Variants in GNPDA2 observed in about 807,000 individuals in gnomAD.
The protein encoded by GNPDA2 is glucosamine-6-phosphate deaminase 2.
A neutral mutation model predicts 27.0 loss-of-function variants in GNPDA2; 24 were observed. The observed-to-expected ratio is 0.89, with a 90% CI of 0.64 to 1.25. The LOEUF (loss-of-function observed/expected upper bound fraction) is 1.25. Ranked by LOEUF, GNPDA2 falls within the 50% of genes most tolerant of loss-of-function variation. GNPDA2 has a pLI of 0.00. For missense variants in GNPDA2, 286 were observed against 335.1 expected (o/e 0.85, Z 1.14); for synonymous variants, 94 against 108.4 (o/e 0.87, Z 0.83).
intron 5 of GNPDA2, among the ~76,000 whole-genome samples, chr4:44,708,247 GT>G (rs1449529428): frequency 2.0e-5 from 3 of 152,044 alleles, no homozygotes; most frequent in Non-Finnish European, 4.4e-5. Context: ...AAAGGACTGT[GT>G]TGCAAAAGCA....
At chr4:44,713,855 GGGC>G (rs1204555869) in intron 4 of GNPDA2, among the ~76,000 whole-genome samples, 1 of 152,112 alleles carries the variant, frequency 6.6e-6, no homozygotes, top group Non-Finnish European at 1.5e-5. Context: ...ACTCCAGCCT[GGGC>G]AACAGAGCGA....
chr4:44,716,580 A>G (rs555363885), intron 4 of GNPDA2, among the ~76,000 whole-genome samples: 2 of 152,040 alleles, frequency 1.3e-5, no homozygotes, highest in South Asian at 2.1e-4. Context: ...TTTGGAATTT[A>G]TTATGACAAT....
At chr4:44,717,516 T>C (rs1249669193) in intron 3 of GNPDA2, among the ~76,000 whole-genome samples, 2 of 151,830 alleles carry the variant, frequency 1.3e-5, no homozygotes, top group African/African-American at 4.8e-5. Flanking sequence ...TATCTCATTT[T>C]GTAGGTGAAC....
intron 6 of GNPDA2, chr4:44,705,504 T>C (rs1716541464): frequency 5.1e-6 from 5 of 984,054 alleles, no homozygotes; most frequent in Non-Finnish European, 6.0e-6. Flanking sequence ...GTTTCAAAAT[T>C]TTTCAGAAGA....
chr4:44,714,517 T>G, intron 4 of GNPDA2: 1 of 985,426 alleles, frequency 1.0e-6, no homozygotes, highest in Non-Finnish European at 1.2e-6. Flanking sequence ...CTCATTCTAC[T>G]GTTTCCAATT....
chr4:44,714,984 G>T (rs2109710043), intron 4 of GNPDA2, among the ~76,000 whole-genome samples: 1 of 152,236 alleles, frequency 6.6e-6, no homozygotes, highest in Admixed American at 6.5e-5. Flanking sequence ...GGAAGCTTAA[G>T]ACAAACTGGT....
chr4:44,702,081 G>T lies in GNPDA2; in HGVS notation c.*1000C>A. On this transcript the variant is annotated 3_prime_UTR_variant, in exon 7 of 7. Coordinates refer to ENST00000295448, the MANE Select transcript of GNPDA2 (RefSeq NM_138335.3). ...TGGTAACAAACCCAAAATGAATGCA[G>T]GTTCACATGTACTATAATTGTTGGG... The T allele has an allele frequency of 1.0e-6, 1 of 984,798 alleles. No individual in the cohort carries two copies. Among genetic ancestry groups the T allele is most frequent in the Non-Finnish European group, 1.2e-6 (1 of 829,136 alleles). The allele number at this position is 984,798 out of a possible 1,614,324, so 61.0% of individuals were successfully genotyped here.
Position 44,702,978 on chromosome 4 carries a change from T to C in GNPDA2, c.*103A>G. 6.4e-7 allele frequency: 1 copy of C among 1,556,022 alleles called. No homozygotes were observed. The highest frequency in any genetic ancestry group is 8.6e-7 in the Non-Finnish European group (1 of 1,160,264). On this transcript the variant is annotated 3_prime_UTR_variant, in exon 7 of 7. Coordinates refer to ENST00000295448, the MANE Select transcript of GNPDA2 (RefSeq NM_138335.3). ...AGACTCGAATGAAAAAATGACAATC[T>C]TCAAAATTCCCCATGTTTTGTCATA...
At chr4:44,716,550 T>C (rs1228305945) in intron 4 of GNPDA2, among the ~76,000 whole-genome samples, 2 of 151,830 alleles carry the variant, frequency 1.3e-5, no homozygotes, top group Non-Finnish European at 3.0e-5. Flanking sequence ...CAAGTGGAAT[T>C]TGGTAAATTA....
Position 44,702,015 on chromosome 4 carries a change from G to A in GNPDA2, c.*1066C>T, listed in dbSNP as rs189266756. 74 of 985,472 alleles carry A rather than the reference G, an allele frequency of 7.5e-5. No homozygotes were observed. In the African/African-American group the frequency reaches 1.2e-3, roughly 16 times the overall value. The allele number at this position is 985,472 out of a possible 1,614,324, so 61.0% of individuals were successfully genotyped here. ...AAGGAGCATTTTTTTGCTCCCCACAGAGGCAAAGACATCTTTTAACCTAAC... is the reference window on the plus strand; with the variant it reads ...AAGGAGCATTTTTTTGCTCCCCACAAAGGCAAAGACATCTTTTAACCTAAC... On this transcript the variant is annotated 3_prime_UTR_variant, in exon 7 of 7. Transcript: ENST00000295448.
chr4:44,723,788 A>T (rs952136025), intron 1 of GNPDA2, among the ~76,000 whole-genome samples: 3 of 152,110 alleles, frequency 2.0e-5, no homozygotes, highest in Non-Finnish European at 2.9e-5. Context: ...TACTGAAGCA[A>T]GAAAGCACCC....
intron 1 of GNPDA2, among the ~76,000 whole-genome samples, chr4:44,725,673 T>G (rs1026655957): frequency 3.3e-5 from 5 of 152,190 alleles, no homozygotes; most frequent in Non-Finnish European, 5.9e-5. Flanking sequence ...AAGAATTTCT[T>G]CACCACATTT....
chr4:44,724,161 C>T (rs375228416), intron 1 of GNPDA2, among the ~76,000 whole-genome samples: 18 of 152,092 alleles, frequency 1.2e-4, no homozygotes, highest in African/African-American at 4.3e-4. Context: ...AGGTTACCTG[C>T]CCCCAGACGC....
intron 4 of GNPDA2, among the ~76,000 whole-genome samples, chr4:44,713,413 T>C (rs1260464145): frequency 6.6e-6 from 1 of 152,186 alleles, no homozygotes; most frequent in Non-Finnish European, 1.5e-5. Flanking sequence ...TTCCAAAGAC[T>C]TGGTTGTTTT....
At chr4:44,719,790 AG>A (rs1260104849) in intron 2 of GNPDA2, among the ~76,000 whole-genome samples, 1 of 151,986 alleles carries the variant, frequency 6.6e-6, no homozygotes, top group African/African-American at 2.4e-5. Context: ...AAAAGACTGA[AG>A]AAAAAAAAAG....
At chr4:44,703,666 C>T in intron 6 of GNPDA2, 1 of 984,254 alleles carries the variant, frequency 1.0e-6, no homozygotes, top group African/African-American at 1.7e-5. Flanking sequence ...GTTACTAAAA[C>T]AAGACAGAAA....
In GNPDA2 at chr4:44,703,141, A is replaced by C. The variant is rs1422203886; in HGVS notation, c.771T>G (p.Gly257=). 1.2e-6 allele frequency: 2 copies of C among 1,607,672 alleles called. No homozygotes were observed. The highest frequency in any genetic ancestry group is 2.7e-5 in the African/African-American group (2 of 74,514). ...LRVKTVKYFK[G]LMHVHNKLVD... ...CAAGTTTATTGTGCACATGCATTAG[A>C]CCTTAAAGAAAAAAAGCACAGTTCT... Residue 257 remains glycine (G), a splice_region_variant and synonymous_variant, in exon 7 of 7, where the codon GGT becomes GGG. Coordinates refer to ENST00000295448, the MANE Select transcript of GNPDA2 (RefSeq NM_138335.3).
chr4:44,725,840 T>C (rs1478694175), intron 1 of GNPDA2, among the ~76,000 whole-genome samples: 1 of 152,224 alleles, frequency 6.6e-6, no homozygotes, highest in Non-Finnish European at 1.5e-5. Context: ...TCATTTTGGA[T>C]GTGCATCGCT....
At chr4:44,723,193 C>G (rs772234809) in intron 1 of GNPDA2, among the ~76,000 whole-genome samples, 4 of 152,066 alleles carry the variant, frequency 2.6e-5, no homozygotes, top group Non-Finnish European at 2.9e-5. Context: ...ATGTGGAAAT[C>G]AGCATTCTTA....
Sources: allele counts gnomAD v4.1 joint callset (sites outside exome capture counted in the v4.1 genomes callset), GRCh38; gene constraint gnomAD v4.1.1; transcripts MANE v1.5; gene names NCBI Gene and HGNC (gene_info 2026-07-23, HGNC 2026-07-21).